The following ADCY8 variants were observed in gnomAD, a reference collection of about 807,000 sequenced individuals.
ADCY8 encodes adenylate cyclase 8.
In ADCY8, 51 loss-of-function variants were observed where a neutral mutation model predicts 119.7. The ratio of observed to expected loss-of-function variants is 0.43; its 90% CI spans 0.34 to 0.54. ADCY8 has a LOEUF of 0.54. ADCY8 is among the 20% of genes least tolerant of loss of function. The probability of loss-of-function intolerance (pLI) is 0.03; values close to 1 mark genes in which losing one functional copy is unlikely to be tolerated. For synonymous variants in ADCY8, 665 were observed against 651.0 expected (o/e 1.02, Z -0.33); for missense variants, 1,383 against 1,598.8 (o/e 0.87, Z 2.30).
chr8:131,027,321 A>G (rs1463087049), intron 1 of ADCY8, among the ~76,000 whole-genome samples: 2 of 152,230 alleles, frequency 1.3e-5, no homozygotes, highest in Non-Finnish European at 2.9e-5. Context: ...CCAGGCAAGG[A>G]AGGTAAACAA....
At chr8:130,930,255 A>ATTTTTT (rs754342584) in intron 5 of ADCY8, among the ~76,000 whole-genome samples, 2 of 141,802 alleles carry the variant, frequency 1.4e-5, no homozygotes. Context: ...CTTCTTCTAC[A>ATTTTTT]TTTTTTTTTT....
chr8:130,861,281 A>G (rs1817919731), intron 9 of ADCY8, among the ~76,000 whole-genome samples: 1 of 152,348 alleles, frequency 6.6e-6, no homozygotes, highest in East Asian at 1.9e-4. Flanking sequence ...CCTATAGATC[A>G]AGTTGGGAAA....
At chr8:130,892,171 A>G (rs1334219223) in intron 7 of ADCY8, 3 of 152,128 alleles carry the variant, frequency 2.0e-5, no homozygotes, top group Non-Finnish European at 4.4e-5. Flanking sequence ...TTCTGTTGCA[A>G]TAATAGCCTA....
intron 12 of ADCY8, among the ~76,000 whole-genome samples, chr8:130,824,364 A>G (rs1208504545): frequency 1.3e-5 from 2 of 152,212 alleles, no homozygotes; most frequent in East Asian, 3.8e-4. Flanking sequence ...AAAAAAATCC[A>G]AGACTGAGTT....
At position 130,877,487 on chromosome 8, in the gene ADCY8, C is replaced by T. The variant is rs527606624; in HGVS notation, c.2109+7077G>A. Among the ~76,000 whole-genome samples, 190 of 152,296 alleles carry T rather than the reference C, an allele frequency of 1.2e-3. 2 individuals carry two copies. The highest frequency in any genetic ancestry group is 3.4e-3 in the Middle Eastern group (1 of 294). On this transcript the variant is annotated intron_variant, in intron 8 of 17. Coordinates refer to ENST00000286355, the MANE Select transcript of ADCY8 (RefSeq NM_001115.3). ...TCTGCTGGAGGCACTTCCCAAGAAT[C>T]ACTAGAGTGAACACTCTGAGCCATG...
At chr8:130,902,801 G>A (rs1195163810) in intron 7 of ADCY8, among the ~76,000 whole-genome samples, 2 of 151,908 alleles carry the variant, frequency 1.3e-5, no homozygotes, top group Admixed American at 6.6e-5. Flanking sequence ...GGTACTCTCA[G>A]CTTCTGCTTG....
At chr8:130,876,729 A>G (rs1395677028) in intron 8 of ADCY8, among the ~76,000 whole-genome samples, 4 of 151,900 alleles carry the variant, frequency 2.6e-5, no homozygotes, top group Non-Finnish European at 4.4e-5. Context: ...GCAGGGGGGA[A>G]TGAATAGAGG....
At chr8:130,927,812 G>A (rs757391104) in intron 5 of ADCY8, among the ~76,000 whole-genome samples, 3 of 151,934 alleles carry the variant, frequency 2.0e-5, no homozygotes, top group Non-Finnish European at 2.9e-5. Context: ...TTGTTTGACC[G>A]CTCTAGCTGG....
intron 17 of ADCY8, 99 bp downstream of exon 17, chr8:130,783,592 C>T (rs1815156987): frequency 2.6e-6 from 2 of 771,168 alleles, no homozygotes; most frequent in Non-Finnish European, 4.3e-6. Context: ...TTGCATTTTG[C>T]AGGAAAAAGC....
intron 1 of ADCY8, among the ~76,000 whole-genome samples, chr8:131,023,281 G>A (rs1279446578): frequency 1.3e-5 from 2 of 152,150 alleles, no homozygotes; most frequent in South Asian, 2.1e-4. Flanking sequence ...CATGGACACT[G>A]GAATCAACAC....
At chr8:130,806,744 T>C (rs568437281) in intron 14 of ADCY8, among the ~76,000 whole-genome samples, 4 of 152,306 alleles carry the variant, frequency 2.6e-5, no homozygotes, top group African/African-American at 9.6e-5. Context: ...CCCTCATCTC[T>C]TACCCAGGGC....
intron 1 of ADCY8, among the ~76,000 whole-genome samples, chr8:131,001,462 T>C (rs1822944557): frequency 1.3e-5 from 2 of 152,036 alleles, no homozygotes; most frequent in East Asian, 3.9e-4. Context: ...GCCTCAACTT[T>C]CTGATCTGAC....
At chr8:130,900,918 A>G (rs1403058080) in intron 7 of ADCY8, among the ~76,000 whole-genome samples, 3 of 152,176 alleles carry the variant, frequency 2.0e-5, no homozygotes, top group Non-Finnish European at 4.4e-5. Context: ...CAAGCTCCAC[A>G]TGTCCCAAAG....
At chr8:130,803,111 C>T (rs758163843) in intron 14 of ADCY8, among the ~76,000 whole-genome samples, 1 of 152,218 alleles carries the variant, frequency 6.6e-6, no homozygotes, top group African/African-American at 2.4e-5. Flanking sequence ...AGGTTTGCTT[C>T]TGGAAGAACC....
chr8:130,833,073 C>T (rs1056710962), intron 12 of ADCY8, among the ~76,000 whole-genome samples: 1 of 152,116 alleles, frequency 6.6e-6, no homozygotes, highest in Non-Finnish European at 1.5e-5. Flanking sequence ...CTTTTGTGTT[C>T]ATTTTTGCAT....
Position 130,903,947 on chromosome 8 carries a change from T to G in ADCY8, c.1736A>C (p.Lys579Thr). 4 of 1,614,184 alleles carry G rather than the reference T, an allele frequency of 2.5e-6. No individual in the cohort carries two copies. The highest frequency in any genetic ancestry group is 3.4e-6 in the Non-Finnish European group (4 of 1,180,020). ...AATTAAGTAAGTTTCGATATTATGC[T>G]TCCTCAGGAATTCATTCCTCTCTTT... ...HGKERNEFLR[K>T]HNIETYLIKQ... Residue 579 changes from lysine to threonine, a missense_variant, in exon 7 of 18, where the codon AAG (lysine) becomes ACG (threonine). Around this residue, in one of 2 missense-constraint regions of ADCY8, gnomAD observed 928 missense variants for 1,163.5 expected, o/e 0.80. Coordinates refer to ENST00000286355, the MANE Select transcript of ADCY8 (RefSeq NM_001115.3).
chr8:130,837,208 T>C (rs1030049335), intron 11 of ADCY8, among the ~76,000 whole-genome samples: 2 of 152,172 alleles, frequency 1.3e-5, no homozygotes, highest in Non-Finnish European at 2.9e-5. Context: ...ACAGATCTGA[T>C]CATGTCACCT....
chr8:130,900,296 A>C (rs1256884227), intron 7 of ADCY8, among the ~76,000 whole-genome samples: 2 of 152,186 alleles, frequency 1.3e-5, no homozygotes, highest in Non-Finnish European at 2.9e-5. Context: ...GCAGACAGAA[A>C]CTGGAAGACT....
intron 1 of ADCY8, among the ~76,000 whole-genome samples, chr8:131,008,119 A>G (rs1823182063): frequency 6.6e-6 from 1 of 152,170 alleles, no homozygotes; most frequent in South Asian, 2.1e-4. Flanking sequence ...CTCATTTTTC[A>G]TAAGAAAATA....
Sources: gnomAD v4.1 joint callset for allele counts (sites outside exome capture counted in the v4.1 genomes callset) on GRCh38, gnomAD v4.1.1 for gene constraint, gnomAD v4.1.1 regional missense constraint, MANE v1.5 for transcripts, NCBI Gene and HGNC (gene_info 2026-07-23, HGNC 2026-07-21) for gene names.